Variants in VPS53 observed in about 807,000 individuals in gnomAD.
VPS53 encodes VPS53 subunit of GARP complex.
VPS53 carries 70 observed loss-of-function variants against 107.0 expected under a neutral mutation model. The ratio of observed to expected loss-of-function variants is 0.65; its 90% CI spans 0.54 to 0.80. VPS53 has a LOEUF of 0.80. Ranked by LOEUF, VPS53 falls within the 30% of genes least tolerant of loss-of-function variation. The pLI, the probability that VPS53 is intolerant of heterozygous loss-of-function variation, is 0.00. For synonymous variants in VPS53, 409 were observed against 393.3 expected (o/e 1.04, Z -0.47); for missense variants, 917 against 1,049.4 (o/e 0.87, Z 1.74).
intron 2 of VPS53, among the ~76,000 whole-genome samples, chr17:706,934 T>C (rs1448601012): frequency 6.6e-6 from 1 of 152,152 alleles, no homozygotes; most frequent in Non-Finnish European, 1.5e-5. Flanking sequence ...TTGCTCGTCC[T>C]CCACATGGCT....
At chr17:665,333 G>A (rs915372022) in intron 4 of VPS53, among the ~76,000 whole-genome samples, 2 of 152,228 alleles carry the variant, frequency 1.3e-5, no homozygotes, top group Admixed American at 1.3e-4. Context: ...CTCGCCGCGG[G>A]AAGATGCGGT....
intron 20 of VPS53, among the ~76,000 whole-genome samples, chr17:521,359 T>C (rs1408455986): frequency 3.3e-5 from 5 of 152,134 alleles, no homozygotes. Context: ...CTTGACCACA[T>C]TTGATCACAA....
intron 4 of VPS53, among the ~76,000 whole-genome samples, chr17:662,430 C>T (rs1313995286): frequency 6.6e-6 from 1 of 152,226 alleles, no homozygotes; most frequent in Admixed American, 6.5e-5. Context: ...TGGCTCACGC[C>T]TGTAATCCCA....
chr17:653,229 C>T (rs1971030048), intron 7 of VPS53, 62 bp downstream of exon 7: 1 of 1,594,558 alleles, frequency 6.3e-7, no homozygotes, highest in East Asian at 2.2e-5. Context: ...TGACAGTTTA[C>T]CTTTCGGAAA....
intron 7 of VPS53, among the ~76,000 whole-genome samples, chr17:638,462 T>A (rs1177826698): frequency 6.6e-6 from 1 of 152,238 alleles, no homozygotes; most frequent in African/African-American, 2.4e-5. Flanking sequence ...GTCATTATAA[T>A]GTTAGCTGGT....
chr17:637,082 C>T (rs1279884936), intron 7 of VPS53, among the ~76,000 whole-genome samples: 1 of 152,106 alleles, frequency 6.6e-6, no homozygotes, highest in Non-Finnish European at 1.5e-5. Context: ...TTAATTATTG[C>T]CTCAATTTCA....
At chr17:568,529 G>T (rs985546921) in intron 13 of VPS53, among the ~76,000 whole-genome samples, 2 of 152,102 alleles carry the variant, frequency 1.3e-5, no homozygotes, top group Non-Finnish European at 2.9e-5. Flanking sequence ...TTACAGGCAC[G>T]AGCAACCATG....
At chr17:588,407 G>A (rs1967446863) in intron 12 of VPS53, among the ~76,000 whole-genome samples, 1 of 152,130 alleles carries the variant, frequency 6.6e-6, no homozygotes, top group Non-Finnish European at 1.5e-5. Context: ...TACTGGAAGA[G>A]ATAAGCCCTA....
chr17:620,154 C>T (rs571026417), intron 11 of VPS53, among the ~76,000 whole-genome samples: 1 of 152,228 alleles, frequency 6.6e-6, no homozygotes, highest in African/African-American at 2.4e-5. Flanking sequence ...TTTGTGGTTT[C>T]AGCTGCATTT....
At chr17:694,946 C>A (rs1371035102) in intron 4 of VPS53, among the ~76,000 whole-genome samples, 1 of 152,182 alleles carries the variant, frequency 6.6e-6, no homozygotes, top group Non-Finnish European at 1.5e-5. Flanking sequence ...CTCAAGTCAT[C>A]CTCCCACCTA....
chr17:565,403 C>CAAAAA (rs535932031), intron 13 of VPS53, among the ~76,000 whole-genome samples: 16 of 82,496 alleles, frequency 1.9e-4, no homozygotes, highest in Admixed American at 2.8e-4. Flanking sequence ...AACCCCATCT[C>CAAAAA]AAAAAAAAAA....
rs1396021528 is a variant in VPS53, at chr17:714,810, G to A, written c.-101C>T. 4.5e-6 allele frequency: 6 copies of A among 1,331,986 alleles called. No homozygotes were observed. In the African/African-American group the frequency reaches 5.8e-5, roughly 13 times the overall value. The allele number at this position is 1,331,986 out of a possible 1,614,324, so 82.5% of individuals were successfully genotyped here. On this transcript the variant is annotated 5_prime_UTR_variant, in exon 1 of 22. Transcript: ENST00000437048. The stretch of plus-strand genomic sequence containing the variant: ...AGCAACTCCCTCGCGGCAGCGACCT[G>A]GTGAGCCCGGCTCCGTCAGCCGCTC...
chr17:637,041 T>A (rs1419162655), intron 7 of VPS53, among the ~76,000 whole-genome samples: 4 of 152,240 alleles, frequency 2.6e-5, no homozygotes, highest in African/African-American at 9.6e-5. Context: ...TGAATCCATC[T>A]GGTCCTGGAC....
chr17:709,175 C>T (rs1464452055), intron 2 of VPS53, among the ~76,000 whole-genome samples: 2 of 151,870 alleles, frequency 1.3e-5, no homozygotes, highest in African/African-American at 4.8e-5. Context: ...TGCCTGGTAT[C>T]ACGGCGCATC....
At chr17:591,523 C>T (rs371595589) in intron 12 of VPS53, among the ~76,000 whole-genome samples, 39 of 151,612 alleles carry the variant, frequency 2.6e-4, no homozygotes, top group African/African-American at 8.5e-4. Context: ...TTTAGTGCTA[C>T]AAATTTCCCT....
intron 7 of VPS53, among the ~76,000 whole-genome samples, chr17:646,387 T>C (rs57916853): frequency 0.015 from 785 of 53,738 alleles, 64 homozygotes; most frequent in African/African-American, 0.04. Context: ...TCCGTGACCG[T>C]GTGGCCACTG....
chr17:701,906 TG>T (rs1444126932), intron 2 of VPS53, among the ~76,000 whole-genome samples: 11 of 152,222 alleles, frequency 7.2e-5, no homozygotes, highest in Admixed American at 3.9e-4. Flanking sequence ...TTTATTATTT[TG>T]TTATAAACAC....
At chr17:589,781 C>T (rs1284554733) in intron 12 of VPS53, among the ~76,000 whole-genome samples, 1 of 152,022 alleles carries the variant, frequency 6.6e-6, no homozygotes, top group East Asian at 1.9e-4. Context: ...TTACTGTAGC[C>T]TTGTAGTATA....
At chr17:709,345 T>C (rs2144016981) in intron 2 of VPS53, among the ~76,000 whole-genome samples, 1 of 152,338 alleles carries the variant, frequency 6.6e-6, no homozygotes, top group East Asian at 1.9e-4. Flanking sequence ...AAGACCAGAT[T>C]TGTCATGTTT....
Sources: allele counts gnomAD v4.1 joint callset (sites outside exome capture counted in the v4.1 genomes callset), GRCh38; gene constraint gnomAD v4.1.1; transcripts MANE v1.5; gene names NCBI Gene and HGNC (gene_info 2026-07-23, HGNC 2026-07-21).